THSD7B: variants seen among roughly 807,000 people sequenced by gnomAD.
THSD7B encodes the protein thrombospondin type 1 domain containing 7B.
A neutral mutation model predicts 213.6 loss-of-function variants in THSD7B; 138 were observed. That is an observed-to-expected ratio of 0.65 (90% confidence interval 0.56 to 0.74). The LOEUF is 0.74. Among genes scored for constraint, THSD7B ranks in the 30% least tolerant of loss-of-function variants. THSD7B has a pLI of 0.00. For missense variants in THSD7B, 1,931 were observed against 1,991.5 expected, an observed-to-expected ratio of 0.97 and a Z score of 0.58; for synonymous variants, 742 against 687.0, an observed-to-expected ratio of 1.08 and a Z score of -1.25.
intron 1 of THSD7B, among the ~76,000 whole-genome samples, chr2:136,781,786 T>C (rs1231965214): frequency 6.6e-6 from 1 of 152,158 alleles, no homozygotes; most frequent in Non-Finnish European, 1.5e-5. Flanking sequence ...TCCTTCTGTC[T>C]ATGCCCTGCC....
chr2:137,465,382 A>G (rs1191972415), intron 15 of THSD7B, among the ~76,000 whole-genome samples: 1 of 152,138 alleles, frequency 6.6e-6, no homozygotes, highest in African/African-American at 2.4e-5. Flanking sequence ...ACGTGGCTGC[A>G]CATTAGATTT....
intron 17 of THSD7B, among the ~76,000 whole-genome samples, chr2:137,602,694 C>G (rs1022111650): frequency 4.6e-5 from 7 of 152,130 alleles, no homozygotes; most frequent in African/African-American, 1.7e-4. Context: ...GGACAAGTTT[C>G]TTTGTTTTTT....
intron 15 of THSD7B, among the ~76,000 whole-genome samples, chr2:137,464,062 T>C (rs1687939070): frequency 6.6e-6 from 1 of 152,062 alleles, no homozygotes; most frequent in South Asian, 2.1e-4. Context: ...CATAGGAATA[T>C]AGATATTTGT....
intron 7 of THSD7B, among the ~76,000 whole-genome samples, chr2:137,183,685 T>G (rs1269310810): frequency 6.6e-6 from 1 of 152,002 alleles, no homozygotes; most frequent in African/African-American, 2.4e-5. Flanking sequence ...CAGGCTCTGA[T>G]AGTAACATGA....
At chr2:136,874,780 A>G (rs779781479) in intron 1 of THSD7B, among the ~76,000 whole-genome samples, 88 of 152,274 alleles carry the variant, frequency 5.8e-4, no homozygotes, top group Non-Finnish European at 9.4e-4. Flanking sequence ...TTGCAAATAC[A>G]TTTTGGATGC....
chr2:137,618,461 G>C lies in THSD7B; in HGVS notation c.3635G>C (p.Cys1212Ser). ...GQGVRTRLLS[C>S]VCSDGKPVSM... is the part of the protein sequence containing the mutation. ...GGCGTCAGGACCCGCCTGCTAAGCT[G>C]TGTGTGCAGTGATGGCAAGCCAGTC... The change falls in exon 19 of 28, where the codon TGT becomes TCT. Residue 1212 changes from cysteine to serine, a missense_variant. By Grantham distance (112) the Cys-to-Ser change is moderately radical (BLOSUM62 -1). Transcript: ENST00000409968. 6.2e-7 allele frequency: 1 copy of C among 1,613,910 alleles called. No homozygotes were observed. The highest frequency in any genetic ancestry group is 8.5e-7 in the Non-Finnish European group (1 of 1,179,864).
At chr2:137,603,648 C>A (rs1682116944) in intron 17 of THSD7B, among the ~76,000 whole-genome samples, 1 of 152,158 alleles carries the variant, frequency 6.6e-6, no homozygotes, top group South Asian at 2.1e-4. Context: ...AAGGAGATAT[C>A]TGGATTTTGA....
chr2:137,386,555 T>A (rs1025162379), intron 12 of THSD7B, among the ~76,000 whole-genome samples: 3 of 152,220 alleles, frequency 2.0e-5, no homozygotes, highest in Admixed American at 2.0e-4. Context: ...TCTTTAACTA[T>A]TAGAGTTGAA....
chr2:137,363,479 A>G (rs1414734827), intron 12 of THSD7B, among the ~76,000 whole-genome samples: 1 of 152,190 alleles, frequency 6.6e-6, no homozygotes, highest in Non-Finnish European at 1.5e-5. Flanking sequence ...AACAAAATTG[A>G]TAGACTGCTA....
chr2:137,558,164 A>G (rs889281383), intron 15 of THSD7B, among the ~76,000 whole-genome samples: 2 of 152,206 alleles, frequency 1.3e-5, no homozygotes, highest in Admixed American at 6.5e-5. Flanking sequence ...TTCCTTCTGA[A>G]ACTATTCCAA....
chr2:137,025,645 G>A (rs1379288506), intron 2 of THSD7B, among the ~76,000 whole-genome samples: 1 of 152,130 alleles, frequency 6.6e-6, no homozygotes, highest in Non-Finnish European at 1.5e-5. Context: ...ATTCCCTAGA[G>A]TCTGAAGTCA....
chr2:137,193,370 G>A (rs776839949), intron 7 of THSD7B, among the ~76,000 whole-genome samples: 2 of 152,076 alleles, frequency 1.3e-5, no homozygotes, highest in Non-Finnish European at 2.9e-5. Context: ...ACACAGTGTG[G>A]AATAATTAAG....
chr2:137,064,215 G>A (rs1263591844), intron 3 of THSD7B, among the ~76,000 whole-genome samples: 1 of 152,068 alleles, frequency 6.6e-6, no homozygotes, highest in Non-Finnish European at 1.5e-5. Context: ...GGGATGAGAT[G>A]ATATCTCATT....
chr2:137,488,304 A>T (rs183447879), intron 15 of THSD7B, among the ~76,000 whole-genome samples: 1 of 152,180 alleles, frequency 6.6e-6, no homozygotes, highest in Non-Finnish European at 1.5e-5. Flanking sequence ...ATGCACACAC[A>T]TATACCAATA....
intron 12 of THSD7B, among the ~76,000 whole-genome samples, chr2:137,396,060 C>G (rs1686176530): frequency 6.6e-6 from 1 of 151,586 alleles, no homozygotes; most frequent in East Asian, 1.9e-4. Flanking sequence ...CTCTCTTTTT[C>G]TTTATTAGTC....
chr2:137,606,077 AG>A (rs1682170423), intron 17 of THSD7B, among the ~76,000 whole-genome samples: 1 of 152,200 alleles, frequency 6.6e-6, no homozygotes, highest in Admixed American at 6.5e-5. Context: ...CTGGGATTAC[AG>A]GCGTGAGCCA....
chr2:137,475,940 A>G (rs1688182507), intron 15 of THSD7B, among the ~76,000 whole-genome samples: 1 of 152,148 alleles, frequency 6.6e-6, no homozygotes, highest in Non-Finnish European at 1.5e-5. Flanking sequence ...CCAACTGTCT[A>G]GAAGAGATCC....
At chr2:137,323,253 G>A (rs894073086) in intron 12 of THSD7B, among the ~76,000 whole-genome samples, 4 of 152,338 alleles carry the variant, frequency 2.6e-5, no homozygotes, top group African/African-American at 9.6e-5. Flanking sequence ...TGGAATGAAT[G>A]TGAAGTCAGA....
intron 7 of THSD7B, among the ~76,000 whole-genome samples, chr2:137,220,969 G>A (rs1681355259): frequency 6.6e-6 from 1 of 152,134 alleles, no homozygotes; most frequent in Admixed American, 6.5e-5. Context: ...GACATTCTGG[G>A]GGAGGAGGGA....
Sources: allele counts gnomAD v4.1 joint callset (sites outside exome capture counted in the v4.1 genomes callset), GRCh38; gene constraint gnomAD v4.1.1; transcripts MANE v1.5; gene names NCBI Gene and HGNC (gene_info 2026-07-23, HGNC 2026-07-21).